ERG: variants seen among roughly 807,000 people sequenced by gnomAD.
The protein encoded by ERG is transcriptional regulator ERG.
In ERG, 9 loss-of-function variants were observed where a neutral mutation model predicts 55.3. The ratio of observed to expected loss-of-function variants is 0.16; its 90% CI spans 0.10 to 0.28. The LOEUF (loss-of-function observed/expected upper bound fraction) is 0.28, where lower values mean the gene tolerates loss of function less well. Ranked by LOEUF, ERG falls within the 10% of genes least tolerant of loss-of-function variation. ERG has a pLI of 1.00. For synonymous variants in ERG, 223 were observed against 237.3 expected (o/e 0.94, Z 0.55); for missense variants, 434 against 631.6 (o/e 0.69, Z 3.35).
chr21:38,655,928 A>G (rs997677282), intron 1 of ERG, among the ~76,000 whole-genome samples: 1 of 152,196 alleles, frequency 6.6e-6, no homozygotes, highest in African/African-American at 2.4e-5. Flanking sequence ...GTAGTACTGC[A>G]GAATCTGCCT....
intron 1 of ERG, among the ~76,000 whole-genome samples, chr21:38,649,419 G>A (rs889473308): frequency 1.3e-5 from 2 of 152,184 alleles, no homozygotes; most frequent in African/African-American, 4.8e-5. Context: ...CAAACGTTCT[G>A]GTTACCGGGG....
At chr21:38,561,497 G>C (rs1298047090) in intron 2 of ERG, among the ~76,000 whole-genome samples, 1 of 145,304 alleles carries the variant, frequency 6.9e-6, no homozygotes, top group East Asian at 2.0e-4. Flanking sequence ...GTAAATATTT[G>C]AACTGGGGGC....
chr21:38,569,726 T>C (rs932653295), intron 2 of ERG, among the ~76,000 whole-genome samples: 1 of 152,204 alleles, frequency 6.6e-6, no homozygotes, highest in Non-Finnish European at 1.5e-5. Context: ...GACAAGGTAA[T>C]TCCAATGCTG....
intron 2 of ERG, among the ~76,000 whole-genome samples, chr21:38,443,666 T>C (rs1481452045): frequency 6.6e-6 from 1 of 151,986 alleles, no homozygotes; most frequent in Admixed American, 6.5e-5. Flanking sequence ...GTAAAAAATA[T>C]TTACATGTAA....
intron 1 of ERG, among the ~76,000 whole-genome samples, chr21:38,591,470 G>C (rs1282838514): frequency 6.6e-6 from 1 of 152,138 alleles, no homozygotes; most frequent in African/African-American, 2.4e-5. Context: ...TGTAATCCCA[G>C]CACTTTAAGT....
At chr21:38,647,346 T>C (rs960270024) in intron 1 of ERG, among the ~76,000 whole-genome samples, 8 of 152,194 alleles carry the variant, frequency 5.3e-5, no homozygotes, top group Non-Finnish European at 8.8e-5. Context: ...AAGTCAAGTA[T>C]TGGCATTTCG....
At chr21:38,486,311 T>C (rs2059285191) in intron 1 of ERG, among the ~76,000 whole-genome samples, 1 of 152,176 alleles carries the variant, frequency 6.6e-6, no homozygotes, top group South Asian at 2.1e-4. Context: ...TTGCCTACAG[T>C]ATTCAGCCTG....
intron 1 of ERG, among the ~76,000 whole-genome samples, chr21:38,637,694 T>A (rs929637880): frequency 6.6e-6 from 1 of 152,246 alleles, no homozygotes; most frequent in Admixed American, 6.5e-5. Context: ...TCCTCGTTTT[T>A]AACTTACTGT....
intron 1 of ERG, among the ~76,000 whole-genome samples, chr21:38,466,040 C>T (rs567716986): frequency 6.6e-6 from 1 of 152,208 alleles, no homozygotes; most frequent in Non-Finnish European, 1.5e-5. Context: ...GAGTGCTAGA[C>T]TTTGTATTTC....
At chr21:38,478,218 C>T (rs1309808366) in intron 1 of ERG, among the ~76,000 whole-genome samples, 1 of 152,220 alleles carries the variant, frequency 6.6e-6, no homozygotes, top group East Asian at 1.9e-4. Flanking sequence ...TACCCTGGGA[C>T]AAGATATCCT....
intron 2 of ERG, among the ~76,000 whole-genome samples, chr21:38,513,411 G>A (rs775363317): frequency 6.6e-6 from 1 of 152,138 alleles, no homozygotes; most frequent in African/African-American, 2.4e-5. Flanking sequence ...GGAGCAAGGA[G>A]CAAAGAAACT....
At chr21:38,370,324 C>T in the ERG span, among the ~76,000 whole-genome samples, 1 of 151,980 alleles carries the variant, frequency 6.6e-6, no homozygotes, top group Non-Finnish European at 1.5e-5. Flanking sequence ...ATTTTGGTTA[C>T]TAGTGTTTTG....
chr21:38,617,690 A>G (rs968328353), intron 1 of ERG, among the ~76,000 whole-genome samples: 3 of 152,094 alleles, frequency 2.0e-5, no homozygotes, highest in Non-Finnish European at 2.9e-5. Context: ...CCAAGTACTA[A>G]CTCAAGTCAC....
chr21:38,572,819 T>C (rs889374474), intron 2 of ERG, among the ~76,000 whole-genome samples: 1 of 151,852 alleles, frequency 6.6e-6, no homozygotes, highest in East Asian at 1.9e-4. Flanking sequence ...TATTATATAT[T>C]GACATTAACC....
At chr21:38,641,493 C>G (rs1034277683) in intron 1 of ERG, among the ~76,000 whole-genome samples, 2 of 152,214 alleles carry the variant, frequency 1.3e-5, no homozygotes, top group African/African-American at 4.8e-5. Context: ...ATCATCAGGG[C>G]TGTTGCATCT....
intron 1 of ERG, among the ~76,000 whole-genome samples, chr21:38,600,312 A>G (rs9636942): frequency 4.6e-5 from 7 of 152,204 alleles, no homozygotes; most frequent in African/African-American, 1.4e-4. Flanking sequence ...CCTGCAGGCC[A>G]GTAGCTGGGA....
At chr21:38,399,300 C>G (rs76731355) in intron 6 of ERG, among the ~76,000 whole-genome samples, 1 of 152,148 alleles carries the variant, frequency 6.6e-6, no homozygotes, top group African/African-American at 2.4e-5. Context: ...AGGCAGTAAC[C>G]AGGGCAGTGT....
In ERG at chr21:38,382,546, A is replaced by G; in HGVS notation, c.*857T>C. ...ATTACGCTGTGTCCTTTCTCCTAAC[A>G]CTGGGTTTGGTATAACACTGACTGC... On this transcript the variant is annotated 3_prime_UTR_variant, in exon 10 of 10. Coordinates refer to ENST00000288319, the MANE Select transcript of ERG (RefSeq NM_182918.4). 1 of 1,065,660 alleles carries G rather than the reference A, an allele frequency of 9.4e-7. No individual in the cohort carries two copies. Among genetic ancestry groups the G allele is most frequent in the Non-Finnish European group, 1.1e-6 (1 of 879,270 alleles). The allele number at this position is 1,065,660 out of a possible 1,614,324, so 66.0% of individuals were successfully genotyped here.
At chr21:38,570,904 T>C (rs923522222) in intron 2 of ERG, among the ~76,000 whole-genome samples, 18 of 152,196 alleles carry the variant, frequency 1.2e-4, no homozygotes, top group Admixed American at 1.2e-3. Context: ...TATTATTCTA[T>C]ATGATTAGCT....
Sources: gnomAD v4.1 joint callset for allele counts (sites outside exome capture counted in the v4.1 genomes callset) on GRCh38, gnomAD v4.1.1 for gene constraint, MANE v1.5 for transcripts, NCBI Gene and HGNC (gene_info 2026-07-23, HGNC 2026-07-21) for gene names.